Variants in DUS4L observed in about 807,000 individuals in gnomAD.
DUS4L encodes the protein dihydrouridine synthase 4 like, also known as tRNA-dihydrouridine(20a/20b) synthase [NAD(P)+]-like.
In DUS4L, 31 loss-of-function variants were observed where a neutral mutation model predicts 33.8. The ratio of observed to expected loss-of-function variants is 0.92; its 90% confidence interval spans 0.69 to 1.24. The LOEUF (loss-of-function observed/expected upper bound fraction) is 1.24, where lower values mean the gene tolerates loss of function less well. DUS4L is among the 50% of genes most tolerant of loss of function. The pLI is 0.00. For missense variants in DUS4L, 368 were observed against 388.6 expected, an observed-to-expected ratio of 0.95 and a Z score of 0.45; for synonymous variants, 103 against 120.3, an observed-to-expected ratio of 0.86 and a Z score of 0.94.
At position 107,577,520 on chromosome 7, in the gene DUS4L, C is replaced by T. The variant is rs570732538; in HGVS notation, c.914C>T (p.Ser305Leu). The change falls in exon 8 of 8, where the codon TCA (serine) becomes TTA (leucine). Residue 305 changes from serine to leucine, a missense_variant. Coordinates refer to ENST00000265720, the MANE Select transcript of DUS4L (RefSeq NM_181581.3). ...GTATTTAATGCTCTGTCAAGCACAT[C>T]AGCAATCATAGATTACCTTACAGAC... Reference protein sequence around the residue: ...KRVFNALSSTSAIIDYLTDHY... With the variant: ...KRVFNALSSTLAIIDYLTDHY... The T allele has an allele frequency of 7.4e-6, 12 of 1,614,060 alleles. No homozygotes were observed. The South Asian group carries it at 9.9e-5, about 13-fold the overall frequency.
chr7:107,571,970 G>A (rs1387840919), intron 4 of DUS4L, among the ~76,000 whole-genome samples: 1 of 150,240 alleles, frequency 6.7e-6, no homozygotes, highest in Non-Finnish European at 1.5e-5. Context: ...CTTGCAAACT[G>A]TAGTTTATGT....
chr7:107,566,680 G>A (rs987770282), intron 2 of DUS4L, among the ~76,000 whole-genome samples: 3 of 151,706 alleles, frequency 2.0e-5, no homozygotes, highest in Non-Finnish European at 4.4e-5. Context: ...AATGCCAGTC[G>A]AGTATCATAT....
chr7:107,573,523 G>C (rs143126563), intron 4 of DUS4L, among the ~76,000 whole-genome samples, 181 bp from the exon 5 acceptor site: 1 of 152,114 alleles, frequency 6.6e-6, no homozygotes, highest in African/African-American at 2.4e-5. Flanking sequence ...ATTTTTTACC[G>C]TGTAAATTGC....
intron 4 of DUS4L, among the ~76,000 whole-genome samples, chr7:107,573,259 A>G (rs146015634): frequency 2.6e-3 from 395 of 152,350 alleles, no homozygotes; most frequent in African/African-American, 9.1e-3. Context: ...AATACACTAT[A>G]TGGTCCATCC....
chr7:107,573,986 A>C, intron 5 of DUS4L, 165 bp downstream of exon 5: 1 of 1,059,154 alleles, frequency 9.4e-7, no homozygotes. Flanking sequence ...GTAATTTAGA[A>C]ACATAAATTC....
chr7:107,575,440 A>C, intron 6 of DUS4L, 130 bp downstream of exon 6: 1 of 986,920 alleles, frequency 1.0e-6, no homozygotes, highest in Non-Finnish European at 1.4e-6. Flanking sequence ...GGAAATGTTG[A>C]AAATAAGACA....
Position 107,573,872 on chromosome 7 carries a change from T to G in DUS4L, c.356+51T>G, listed in dbSNP as rs371468341. On this transcript the variant is annotated intron_variant, in intron 5 of 7. Coordinates refer to ENST00000265720, the MANE Select transcript of DUS4L (RefSeq NM_181581.3). ...TTTTCCAAAAGAGTAGAAAAAAAAC[T>G]GTGTGAACATGGTAAAATATCTTTC... The G allele has an allele frequency of 5.6e-6, 8 of 1,430,894 alleles. No homozygotes were observed. The African/African-American group carries it at 1.0e-4, about 18-fold the overall frequency. 88.6% of individuals were successfully genotyped at this position (1,430,894 alleles called of 1,614,324 possible).
chr7:107,574,119 T>C (rs1805514418), intron 5 of DUS4L, among the ~76,000 whole-genome samples: 1 of 152,196 alleles, frequency 6.6e-6, no homozygotes, highest in Admixed American at 6.5e-5. Flanking sequence ...TATATGAGAA[T>C]CTAATGTTTA....
At position 107,577,293 on chromosome 7, in the gene DUS4L, T is replaced by C. The variant is rs191194728; in HGVS notation, c.707-20T>C. 85 of 1,612,960 alleles carry C rather than the reference T, an allele frequency of 5.3e-5. No homozygotes were observed. In the African/African-American group the frequency reaches 1.1e-3, roughly 20 times the overall value. ...GGGGTTCTTAATGTATGGACAAATA[T>C]GGTGTGCTTTAATTTGTAGGTGTGA... is the stretch of plus-strand genomic sequence containing the variant. On this transcript the variant is annotated intron_variant, in intron 7 of 7. Transcript: ENST00000265720.
chr7:107,564,041 C>T lies in DUS4L; in HGVS notation c.-279C>T. 2.6e-6 allele frequency: 4 copies of T among 1,527,880 alleles called. No individual in the cohort carries two copies. The highest frequency in any genetic ancestry group is 1.4e-5 in the African/African-American group (1 of 72,916). 94.6% of individuals were successfully genotyped at this position (1,527,880 alleles called of 1,614,324 possible). A position where few individuals can be genotyped will look rare whatever the true frequency, so the allele number is the denominator to read the frequency against. ...CTCTCAGCCCGCGCCTGGGCTAAGCCTGGCTAGGAGCCGCGCAGGTACTCG... is the reference window on the plus strand; with the variant it reads ...CTCTCAGCCCGCGCCTGGGCTAAGCTTGGCTAGGAGCCGCGCAGGTACTCG... On this transcript the variant is annotated 5_prime_UTR_variant, in exon 1 of 8. Coordinates refer to ENST00000265720, the MANE Select transcript of DUS4L (RefSeq NM_181581.3).
Position 107,567,093 on chromosome 7 carries a change from C to T in DUS4L, c.23C>T (p.Thr8Met), listed in dbSNP as rs376721875. 2.0e-5 allele frequency: 32 copies of T among 1,612,958 alleles called. No individual in the cohort carries two copies. The highest frequency in any genetic ancestry group is 2.7e-5 in the African/African-American group (2 of 74,826). Residue 8 changes from threonine (T) to methionine (M), a missense_variant, in exon 3 of 8, where the codon ACG (threonine) becomes ATG (methionine). Physicochemically the swap from Thr to Met is moderately conservative, Grantham distance 81. Coordinates refer to ENST00000265720, the MANE Select transcript of DUS4L (RefSeq NM_181581.3). MKSDCMQ[T>M]TICQERKKDP... is the part of the protein sequence containing the mutation. ...TTAATGAAGAGTGACTGCATGCAAACGACAATATGTCAGGAAAGAAAAAAA... is the reference window on the plus strand; with the variant it reads ...TTAATGAAGAGTGACTGCATGCAAATGACAATATGTCAGGAAAGAAAAAAA...
chr7:107,567,650 G>T, intron 3 of DUS4L: 9 of 281,980 alleles, frequency 3.2e-5, no homozygotes, highest in Non-Finnish European at 5.7e-5. Context: ...TAAAATATAC[G>T]TAACATAAAA....
In DUS4L at chr7:107,578,505, T is replaced by C. The variant is rs1293751016; in HGVS notation, c.*945T>C. Reference sequence around the variant, plus strand: ...TTAATTCACGTTTGGGAATATTGAATGAATCCATTTTAACATAAGCACTGT... The same window carrying C: ...TTAATTCACGTTTGGGAATATTGAACGAATCCATTTTAACATAAGCACTGT... On this transcript the variant is annotated 3_prime_UTR_variant, in exon 8 of 8. Transcript: ENST00000265720. 1 of 152,240 alleles carries C rather than the reference T, an allele frequency of 6.6e-6. No individual in the cohort carries two copies. The highest frequency in any genetic ancestry group is 1.5e-5 in the Non-Finnish European group (1 of 68,042). The allele number at this position is 152,240 out of a possible 1,614,324, so 9.4% of individuals were successfully genotyped here.
In DUS4L at chr7:107,570,053, T is replaced by C. The variant is rs1422747235; in HGVS notation, c.117-1092T>C. The C allele has an allele frequency of 4.9e-4, 75 of 152,248 alleles. 1 individual carries two copies. The highest frequency in any genetic ancestry group is 4.8e-3 in the Admixed American group (74 of 15,294). 9.4% of individuals were successfully genotyped at this position (152,248 alleles called of 1,614,324 possible). On this transcript the variant is annotated intron_variant, in intron 3 of 7. Transcript: ENST00000265720. ...AACTGAGGCAGGTTCCCTCTACTTC[T>C]GGTTTTCCAAGAGTTAGCTTTTTTT... is the stretch of plus-strand genomic sequence containing the variant.
chr7:107,575,466 T>C, intron 6 of DUS4L, 156 bp downstream of exon 6: 1 of 752,708 alleles, frequency 1.3e-6, no homozygotes, highest in Non-Finnish European at 1.9e-6. Flanking sequence ...TAAAAGAATA[T>C]ATACCATAAT....
At chr7:107,567,016 T>C (rs1804772107) in intron 2 of DUS4L, 34 bp from the exon 3 acceptor site, 8 of 1,412,546 alleles carry the variant, frequency 5.7e-6, no homozygotes, top group Non-Finnish European at 7.8e-6. Context: ...AGTGAAAACA[T>C]ATTTTCTCTA....
rs1805564393 is a variant in DUS4L at position 107,574,599 on chromosome 7, A to G, written c.357-589A>G. 2.0e-5 allele frequency among the ~76,000 whole-genome samples: 3 copies of G among 152,168 alleles called. No homozygotes were observed. In the South Asian group the frequency reaches 6.2e-4, roughly 31 times the overall value. On this transcript the variant is annotated intron_variant, in intron 5 of 7. Transcript: ENST00000265720. ...GTGATCCGCCCGCCTTGGCCTCCCA[A>G]AGTGCTGGGATTACAGGCCTGAGCC...
Position 107,567,041 on chromosome 7 carries a change from C to T in DUS4L, c.-21-9C>T, listed in dbSNP as rs1804775077. On this transcript the variant is annotated splice_polypyrimidine_tract_variant and intron_variant, in intron 2 of 7. Coordinates refer to ENST00000265720, the MANE Select transcript of DUS4L (RefSeq NM_181581.3). ...TATTTTCTCTATACAAGCTTATTGT[C>T]TTTTTCAGATTTGAAACATATCTGT... 1 of 1,565,922 alleles carries T rather than the reference C, an allele frequency of 6.4e-7. No individual in the cohort carries two copies. Among genetic ancestry groups the T allele is most frequent in the Non-Finnish European group, 8.7e-7 (1 of 1,144,860 alleles).
At chr7:107,573,862 G>GAA in intron 5 of DUS4L, 41 bp downstream of exon 5, 1 of 1,442,468 alleles carries the variant, frequency 6.9e-7, no homozygotes, top group African/African-American at 1.5e-5. Flanking sequence ...CAAAAGAGTA[G>GAA]AAAAAAAACT....
Sources: allele counts gnomAD v4.1 joint callset (sites outside exome capture counted in the v4.1 genomes callset), GRCh38; gene constraint gnomAD v4.1.1; transcripts MANE v1.5; gene names NCBI Gene and HGNC (gene_info 2026-07-23, HGNC 2026-07-21).